Variants in BCR observed in about 807,000 individuals in gnomAD.
The protein encoded by BCR is breakpoint cluster region protein.
In BCR, 58 loss-of-function variants were observed where a neutral mutation model predicts 138.6. The ratio of observed to expected loss-of-function variants is 0.42; its 90% CI spans 0.34 to 0.52. The LOEUF (loss-of-function observed/expected upper bound fraction) is 0.52. Among genes scored for constraint, BCR ranks in the 20% least tolerant of loss-of-function variants. The pLI is 0.06. For synonymous variants in BCR, 786 were observed against 730.1 expected (o/e 1.08, Z -1.23); for missense variants, 1,599 against 1,727.2 (o/e 0.93, Z 1.32).
At chr22:23,205,466 T>A (rs1052583251) in intron 1 of BCR, among the ~76,000 whole-genome samples, 3 of 152,198 alleles carry the variant, frequency 2.0e-5, no homozygotes, top group African/African-American at 7.2e-5. Context: ...ACTGGAACTT[T>A]GCACTTGGGT....
At chr22:23,211,196 T>G (rs2072677303) in intron 1 of BCR, among the ~76,000 whole-genome samples, 1 of 152,176 alleles carries the variant, frequency 6.6e-6, no homozygotes, top group African/African-American at 2.4e-5. Context: ...GCTTCTTTTT[T>G]TATTTGTTTG....
chr22:23,254,431 C>A, intron 2 of BCR: 1 of 513,368 alleles, frequency 1.9e-6, no homozygotes, highest in South Asian at 1.4e-5. Flanking sequence ...ATTAATAATT[C>A]TTGGCCTTTC....
intron 1 of BCR, among the ~76,000 whole-genome samples, chr22:23,229,893 G>A (rs1217610553): frequency 6.6e-6 from 1 of 152,104 alleles, no homozygotes; most frequent in Non-Finnish European, 1.5e-5. Context: ...AAGAGTCCAC[G>A]GGTCTCCACC....
intron 1 of BCR, among the ~76,000 whole-genome samples, chr22:23,183,817 C>G (rs967401269): frequency 2.0e-5 from 3 of 152,184 alleles, no homozygotes; most frequent in African/African-American, 7.2e-5. Flanking sequence ...AACCTTGGGC[C>G]CAGCCTTTCC....
In BCR at chr22:23,180,773, C is replaced by G. The variant is rs1032161132; in HGVS notation, c.-188C>G. The G allele has an allele frequency of 1.1e-3, 190 of 174,260 alleles. No individual in the cohort carries two copies. Among genetic ancestry groups the G allele is most frequent in the Admixed American group, 1.7e-3 (25 of 14,772 alleles). The allele number at this position is 174,260 out of a possible 1,614,324, so 10.8% of individuals were successfully genotyped here. ...CGCCCTTCCCCCCGGCGCGCCCCGC[C>G]CCGCGCGCCGAGCGCCCCGCTCCGC... On this transcript the variant is annotated 5_prime_UTR_variant, in exon 1 of 23. Transcript: ENST00000305877.
chr22:23,249,311 A>T (rs1427183315), intron 1 of BCR, among the ~76,000 whole-genome samples: 1 of 152,018 alleles, frequency 6.6e-6, no homozygotes, highest in Non-Finnish European at 1.5e-5. Context: ...GCACGCCTGT[A>T]GTCCCAGCTA....
chr22:23,242,938 G>A, intron 1 of BCR: 1 of 455,060 alleles, frequency 2.2e-6, no homozygotes. Context: ...TCCTCGACCT[G>A]GTGACAACAT....
intron 1 of BCR, among the ~76,000 whole-genome samples, chr22:23,243,450 A>C (rs1187867941): frequency 6.6e-6 from 1 of 152,086 alleles, no homozygotes; most frequent in African/African-American, 2.4e-5. Flanking sequence ...CTACACAGTG[A>C]GGTTCAGAGA....
intron 8 of BCR, among the ~76,000 whole-genome samples, chr22:23,277,083 T>G (rs938272109): frequency 6.6e-6 from 1 of 152,220 alleles, no homozygotes; most frequent in Admixed American, 6.5e-5. Context: ...GGGCAGAAGC[T>G]CCAGGCTACT....
chr22:23,273,784 G>A lies in BCR; in HGVS notation c.2115+10G>A, dbSNP rs201478649. 4 of 1,613,594 alleles carry A rather than the reference G, an allele frequency of 2.5e-6. No individual in the cohort carries two copies. The highest frequency in any genetic ancestry group is 3.4e-6 in the Non-Finnish European group (4 of 1,179,840). On this transcript the variant is annotated intron_variant, in intron 8 of 22. Transcript: ENST00000305877. The stretch of plus-strand genomic sequence containing the variant: ...GGTGAAGAAGGGAGAGGTGAGTGTG[G>A]CAGGGGATGGCTTGGGTCCACCCAT...
chr22:23,209,981 C>T (rs79764296), intron 1 of BCR, among the ~76,000 whole-genome samples: 267 of 152,272 alleles, frequency 1.8e-3, no homozygotes, highest in African/African-American at 6.0e-3. Flanking sequence ...CCCTCACCCA[C>T]TTAACAGCTA....
At chr22:23,210,506 G>T (rs1055627030) in intron 1 of BCR, among the ~76,000 whole-genome samples, 3 of 152,146 alleles carry the variant, frequency 2.0e-5, no homozygotes, top group African/African-American at 4.8e-5. Context: ...GCATTCAGGT[G>T]TAATTTACAG....
At chr22:23,260,485 G>A (rs1371617525) in intron 2 of BCR, among the ~76,000 whole-genome samples, 6 of 152,202 alleles carry the variant, frequency 3.9e-5, no homozygotes, top group Admixed American at 3.9e-4. Flanking sequence ...GGCGGCAGCA[G>A]TCAGAGAATC....
At chr22:23,251,655 C>A (rs1456597085) in intron 1 of BCR, among the ~76,000 whole-genome samples, 1 of 152,246 alleles carries the variant, frequency 6.6e-6, no homozygotes. Flanking sequence ...CCTGTGCCCA[C>A]CCAGCCTGGG....
chr22:23,205,642 ATT>A (rs112193385), intron 1 of BCR, among the ~76,000 whole-genome samples: 82 of 143,962 alleles, frequency 5.7e-4, no homozygotes, highest in African/African-American at 1.2e-3. Flanking sequence ...TGAACCAATA[ATT>A]TTTTTTTTTT....
intron 16 of BCR, chr22:23,302,947 CAG>C (rs1320371645): frequency 6.6e-6 from 1 of 152,110 alleles, no homozygotes; most frequent in Non-Finnish European, 1.5e-5. Context: ...TCACAAACGA[CAG>C]ATAAGGATGA....
intron 22 of BCR, among the ~76,000 whole-genome samples, chr22:23,315,063 T>G (rs113296332): frequency 2.6e-5 from 4 of 151,768 alleles, no homozygotes; most frequent in Admixed American, 6.6e-5. Context: ...CTAGAAAAAA[T>G]AAAAAGAAAA....
chr22:23,284,056 C>T lies in BCR; in HGVS notation c.2195C>T (p.Thr732Ile), dbSNP rs769255536. The T allele has an allele frequency of 1.9e-6, 3 of 1,610,638 alleles. No homozygotes were observed. The highest frequency in any genetic ancestry group is 1.3e-5 in the African/African-American group (1 of 74,850). ...AAGCTGCGCCACGTCTTCCTGTTCA[C>T]CGACCTGCTTCTCTGCACCAAGCTC... ...ARKLRHVFLF[T>I]DLLLCTKLKK... The change falls in exon 9 of 23, where the codon ACC (threonine) becomes ATC (isoleucine). Residue 732 changes from threonine to isoleucine, a missense_variant. Physicochemically the swap from Thr to Ile is moderately conservative, Grantham distance 89 (BLOSUM62 -1). Coordinates refer to ENST00000305877, the MANE Select transcript of BCR (RefSeq NM_004327.4).
chr22:23,281,782 C>T (rs112267368), intron 8 of BCR, among the ~76,000 whole-genome samples: 2 of 152,246 alleles, frequency 1.3e-5, no homozygotes, highest in Non-Finnish European at 2.9e-5. Context: ...CCAGAGGGGC[C>T]ACTTCCTCCC....
Sources: allele counts gnomAD v4.1 joint callset (sites outside exome capture counted in the v4.1 genomes callset), GRCh38; gene constraint gnomAD v4.1.1; transcripts MANE v1.5; gene names NCBI Gene and HGNC (gene_info 2026-07-23, HGNC 2026-07-21).